PARP10: variants seen among roughly 807,000 people sequenced by gnomAD.
The protein encoded by PARP10 is poly(ADP-ribose) polymerase family member 10.
In PARP10, 56 loss-of-function variants were observed where a neutral mutation model predicts 82.4. The observed-to-expected ratio is 0.68, with a 90% CI of 0.55 to 0.85. The LOEUF is 0.85. PARP10 is among the 40% of genes least tolerant of loss of function. PARP10 has a pLI of 0.00. For missense variants in PARP10, 1,227 were observed against 1,379.4 expected (o/e 0.89, Z 1.75); for synonymous variants, 576 against 601.1 (o/e 0.96, Z 0.61).
upstream of PARP10, chr8:143,992,795 A>T: frequency 6.2e-7 from 1 of 1,613,802 alleles, no homozygotes; most frequent in Non-Finnish European, 8.5e-7. Flanking sequence ...GACATCATCA[A>T]CATCTTCCTG....
In PARP10 at chr8:143,977,374, C is replaced by G; in HGVS notation, c.*110G>C. 9.2e-7 allele frequency: 1 copy of G among 1,088,748 alleles called. No individual in the cohort carries two copies. The highest frequency in any genetic ancestry group is 1.3e-6 in the Non-Finnish European group (1 of 782,552). 67.4% of individuals were successfully genotyped at this position (1,088,748 alleles called of 1,614,324 possible). ...GCCTTCTGGAGCCCGCAGAGGGAGG[C>G]AGGGGCGTCCCCGGGGACAGCTCAG... On this transcript the variant is annotated 3_prime_UTR_variant, in exon 11 of 11. Coordinates refer to ENST00000313028, the MANE Select transcript of PARP10 (RefSeq NM_032789.5).
chr8:143,984,595 C>G lies in PARP10; in HGVS notation c.1407G>C (p.Leu469=), dbSNP rs551194546. ...CAAGTGGCAAGAGAGCGACGTCTCC[C>G]AGGCCCGCAAGAAGGTCCTCATGGT... is the stretch of plus-strand genomic sequence containing the variant. ...QLYHEDLLAG[L]GDVALLPLEG... is the part of the protein sequence containing the mutation. The change falls in exon 5 of 11, where the codon CTG becomes CTC. Residue 469 remains leucine (L), a synonymous_variant. Transcript: ENST00000313028. 3 of 1,613,842 alleles carry G rather than the reference C, an allele frequency of 1.9e-6. No homozygotes were observed. Among genetic ancestry groups the G allele is most frequent in the Middle Eastern group, 3.3e-4 (2 of 6,058 alleles).
intron 1 of PARP10, among the ~76,000 whole-genome samples, chr8:144,009,856 T>G (rs1554752330): frequency 6.6e-6 from 1 of 151,998 alleles, no homozygotes; most frequent in Admixed American, 6.6e-5. Context: ...CACTAAACAT[T>G]TCTCAGCTCT....
intron 9 of PARP10, among the ~76,000 whole-genome samples, chr8:143,980,236 C>T (rs1180599937): frequency 1.1e-4 from 15 of 134,748 alleles, no homozygotes; most frequent in East Asian, 2.3e-4. Context: ...AGGAGAATGG[C>T]GTGAACCCGG....
chr8:143,995,631 C>G (rs956242077), upstream of PARP10, among the ~76,000 whole-genome samples: 1 of 152,152 alleles, frequency 6.6e-6, no homozygotes, highest in African/African-American at 2.4e-5. Context: ...TGATCTGGTC[C>G]TATCTTGTAG....
upstream of PARP10, chr8:143,991,664 GC>G (rs782489988): frequency 6.3e-7 from 1 of 1,595,596 alleles, no homozygotes; most frequent in Non-Finnish European, 8.6e-7. Context: ...CTTGTGAGTG[GC>G]GCTGACCCAG....
At position 143,984,022 on chromosome 8, in the gene PARP10, TCCTGGTCACCA is replaced by T; in HGVS notation, c.1752_1762del (p.Asp586ArgfsTer46). The T allele has an allele frequency of 6.6e-7, 1 of 1,519,230 alleles. No homozygotes were observed. Among genetic ancestry groups the T allele is most frequent in the Non-Finnish European group, 8.8e-7 (1 of 1,134,560 alleles). 94.1% of individuals were successfully genotyped at this position (1,519,230 alleles called of 1,614,324 possible). Reference sequence around the variant, plus strand: ...GGGAGCCCTACCCAGGCTCACGTCCTCCTGGTCACCACCTGTACTGTCTGGGGTCCACAGGG... The same window carrying T: ...GGGAGCCCTACCCAGGCTCACGTCCTCCTGTACTGTCTGGGGTCCACAGGG... On this transcript the variant is annotated frameshift_variant, in exon 7 of 11. Coordinates refer to ENST00000313028, the MANE Select transcript of PARP10 (RefSeq NM_032789.5). LOFTEE classifies it high-confidence loss of function.
At chr8:143,996,883 G>A (rs1834168405) in intron 1 of PARP10, among the ~76,000 whole-genome samples, 1 of 152,200 alleles carries the variant, frequency 6.6e-6, no homozygotes, top group Admixed American at 6.5e-5. Context: ...ACTGTATATT[G>A]TAGGCAGTGA....
Position 143,982,846 on chromosome 8 carries a change from G to A in PARP10, c.2556+86C>T, listed in dbSNP as rs1414189510. ...GGTCAGCTGACCTTGATGTAGGCGA[G>A]AGGGACAGGCCACAGACTTGGCAAG... is the stretch of plus-strand genomic sequence containing the variant. On this transcript the variant is annotated intron_variant, in intron 9 of 10. Transcript: ENST00000313028. The A allele has an allele frequency of 5.8e-6, 9 of 1,556,850 alleles. No homozygotes were observed. The East Asian group carries it at 1.6e-4, about 27-fold the overall frequency.
chr8:143,994,373 T>C (rs910264917), upstream of PARP10, among the ~76,000 whole-genome samples: 1 of 151,946 alleles, frequency 6.6e-6, no homozygotes, highest in African/African-American at 2.4e-5. Flanking sequence ...TCACCTGGCC[T>C]CCTCGCCTGC....
rs1554746470 is a variant in PARP10, at chr8:143,977,527, G to A, written c.3035C>T (p.Pro1012Leu). 7 of 1,560,806 alleles carry A rather than the reference G, an allele frequency of 4.5e-6. No homozygotes were observed. The highest frequency in any genetic ancestry group is 6.1e-6 in the Non-Finnish European group (7 of 1,152,730). The change falls in exon 11 of 11, where the codon CCC (proline) becomes CTC (leucine). Residue 1012 changes from proline to leucine, a missense_variant. Transcript: ENST00000313028. ...GCCCGGGAGCCCAGAGGGGTCGTCG[G>A]GGGAAGCGCGGGGCACGTGCTCGCA... ...ITCEHVPRAS[P>L]DDPSGLPGRS...
intron 9 of PARP10, 100 bp from the exon 10 acceptor site, chr8:143,978,181 G>C (rs1192387675): frequency 1.7e-5 from 23 of 1,349,906 alleles, no homozygotes; most frequent in Middle Eastern, 2.7e-4. Flanking sequence ...TCTGTTGGAG[G>C]AGTCCAGGGT....
At chr8:143,984,179 G>A in intron 6 of PARP10, 31 bp downstream of exon 6, 1 of 1,598,618 alleles carries the variant, frequency 6.3e-7, no homozygotes, top group Non-Finnish European at 8.6e-7. Context: ...GCGTGAGAAA[G>A]GGGAGGGCAG....
Position 143,984,881 on chromosome 8 carries a change from TC to T in PARP10, c.1120del (p.Glu374ArgfsTer4). 1.2e-6 allele frequency: 2 copies of T among 1,613,754 alleles called. No homozygotes were observed. Among genetic ancestry groups the T allele is most frequent in the Non-Finnish European group, 1.7e-6 (2 of 1,179,918 alleles). On this transcript the variant is annotated frameshift_variant, in exon 5 of 11. Coordinates refer to ENST00000313028, the MANE Select transcript of PARP10 (RefSeq NM_032789.5). LOFTEE classifies it high-confidence loss of function. The stretch of plus-strand genomic sequence containing the variant: ...CACAGGCCCCAGGCTCATGGGCCCC[TC>T]CTGTTCCTGCAACCCCACAGGCCTC... ...SLRPVGLQEQ[E>X]GPMSLGPVGS...
intron 1 of PARP10, chr8:144,012,424 C>T (rs576211315): frequency 7.8e-6 from 9 of 1,150,310 alleles, no homozygotes; most frequent in Non-Finnish European, 1.1e-5. Context: ...AGACTCTGCA[C>T]CCTCCTTCAG....
chr8:143,992,274 G>A (rs77934924), upstream of PARP10: 1 of 1,598,068 alleles, frequency 6.3e-7, no homozygotes, highest in Non-Finnish European at 8.5e-7. Context: ...TGTCGTACAT[G>A]GTGGGGATGA....
chr8:143,985,683 C>T, intron 3 of PARP10, 35 bp from the exon 4 acceptor site: 1 of 1,603,354 alleles, frequency 6.2e-7, no homozygotes, highest in South Asian at 1.1e-5. Flanking sequence ...CAGGGAATCC[C>T]CCCTAGCCAG....
chr8:144,009,548 C>T (rs918943066), intron 1 of PARP10, among the ~76,000 whole-genome samples: 15 of 152,194 alleles, frequency 9.9e-5, no homozygotes, highest in African/African-American at 3.1e-4. Context: ...CATACAGATC[C>T]AGTTGCCATC....
Position 143,986,243 on chromosome 8 carries a change from G to A in PARP10, c.3-10C>T, listed in dbSNP as rs781925595. The stretch of plus-strand genomic sequence containing the variant: ...CTCCGCCATTGCAACCCTGGGACGG[G>A]GCATCAGGTGGGTAGGGAAACAGCC... On this transcript the variant is annotated splice_polypyrimidine_tract_variant and intron_variant, in intron 1 of 10. Coordinates refer to ENST00000313028, the MANE Select transcript of PARP10 (RefSeq NM_032789.5). The A allele has an allele frequency of 1.9e-6, 3 of 1,613,844 alleles. No individual in the cohort carries two copies. The highest frequency in any genetic ancestry group is 2.5e-6 in the Non-Finnish European group (3 of 1,179,786).
Sources: gnomAD v4.1 joint callset for allele counts (sites outside exome capture counted in the v4.1 genomes callset) on GRCh38, gnomAD v4.1.1 for gene constraint, MANE v1.5 for transcripts, NCBI Gene and HGNC (gene_info 2026-07-23, HGNC 2026-07-21) for gene names.